Variants in NEB observed in about 807,000 individuals in gnomAD.
The protein encoded by NEB is nemaline myopathy type 2.
A neutral mutation model predicts 952.2 loss-of-function variants in NEB; 512 were observed. That is an observed-to-expected ratio of 0.54 (90% CI 0.50 to 0.58). The LOEUF (loss-of-function observed/expected upper bound fraction) is 0.58. Ranked by LOEUF, NEB falls within the 20% of genes least tolerant of loss-of-function variation. NEB has a pLI of 0.00. For missense variants in NEB, 8,428 were observed against 9,231.1 expected (o/e 0.91, Z 3.56); for synonymous variants, 2,900 against 3,149.8 (o/e 0.92, Z 2.66).
rs2093487929 is a variant in NEB, at chr2:151,538,127, T to C, written c.20997+13A>G. 4.4e-6 allele frequency: 7 copies of C among 1,587,008 alleles called. No individual in the cohort carries two copies. The highest frequency in any genetic ancestry group is 1.7e-4 in the Middle Eastern group (1 of 5,994). ...GTAGAGCCCAACACAAGTAGAAATA[T>C]TTAGGGACATACTTTACTGATGTCA... On this transcript the variant is annotated intron_variant, in intron 139 of 181. Coordinates refer to ENST00000397345, the MANE Select transcript of NEB (RefSeq NM_001164508.2).
intron 171 of NEB, 114 bp downstream of exon 171, chr2:151,497,512 A>C: frequency 1.3e-6 from 2 of 1,496,588 alleles, no homozygotes; most frequent in Non-Finnish European, 1.8e-6. Flanking sequence ...TTGCTAAAGA[A>C]ATTCACAAAA....
intron 145 of NEB, 45 bp from the exon 146 acceptor site, chr2:151,529,359 C>G (rs2088987960): frequency 8.4e-7 from 1 of 1,185,550 alleles, no homozygotes; most frequent in Non-Finnish European, 1.3e-6. Context: ...TTTATAGCAG[C>G]ATACTGAGCA....
At position 151,669,125 on chromosome 2, in the gene NEB, A is replaced by T; in HGVS notation, c.4513T>A (p.Tyr1505Asn). The T allele has an allele frequency of 6.4e-7, 1 of 1,569,954 alleles. No homozygotes were observed. Among genetic ancestry groups the T allele is most frequent in the Non-Finnish European group, 8.7e-7 (1 of 1,153,410 alleles). Residue 1505 changes from tyrosine (Y) to asparagine (N), a missense_variant, in exon 39 of 182, where the codon TAC (tyrosine) becomes AAC (asparagine). Tyr to Asn is a moderately radical substitution (Grantham distance 143, BLOSUM62 -2). This residue lies in a region of NEB where 2,851 missense variants were observed against 2,791.5 expected (regional missense o/e 1.02). Transcript: ENST00000397345. ...HNTKQLSDLN[Y>N]KVEGEKLKHK... ...TTCAGTTTCTCTCCCTCTACCTTGT[A>T]GTTCAACTAAAAACAAAGGAGACAG...
chr2:151,569,243 A>G (rs765257828), intron 110 of NEB, 25 bp downstream of exon 110: 1 of 1,585,094 alleles, frequency 6.3e-7, no homozygotes, highest in Non-Finnish European at 8.7e-7. Flanking sequence ...AATGTACTGA[A>G]TGTCAGGGTA....
In NEB at chr2:151,679,803, T is replaced by A. The variant is rs1035873688; in HGVS notation, c.3173A>T (p.Asp1058Val). 6.2e-7 allele frequency: 1 copy of A among 1,613,852 alleles called. No homozygotes were observed. The change falls in exon 32 of 182, where the codon GAC becomes GTC. Residue 1058 changes from aspartate to valine, a missense_variant. Asp to Val is a radical substitution (Grantham distance 152). This residue lies in a region of NEB where 2,851 missense variants were observed against 2,791.5 expected (regional missense o/e 1.02). Coordinates refer to ENST00000397345, the MANE Select transcript of NEB (RefSeq NM_001164508.2). ...SENMYKADLKDLSKKGYDLRT... is the reference protein window; with the variant it reads ...SENMYKADLKVLSKKGYDLRT... ...CAGGTCATATCCCTTCTTGCTCAAGTCTTTCAAGTCTGCTTTGTACATATT... is the reference window on the plus strand; with the variant it reads ...CAGGTCATATCCCTTCTTGCTCAAGACTTTCAAGTCTGCTTTGTACATATT...
At chr2:151,620,612 T>C (rs1013332873) in intron 72 of NEB, among the ~76,000 whole-genome samples, 1 of 151,996 alleles carries the variant, frequency 6.6e-6, no homozygotes, top group Non-Finnish European at 1.5e-5. Context: ...ATCTTTGCCT[T>C]GAGTGTGTTC....
In NEB at chr2:151,492,435, AT is replaced by A. The variant is rs770428010; in HGVS notation, c.24824del (p.Asp8275ValfsTer5). On this transcript the variant is annotated frameshift_variant, in exon 177 of 182. Coordinates refer to ENST00000397345, the MANE Select transcript of NEB (RefSeq NM_001164508.2). LOFTEE classifies it high-confidence loss of function. ...CCCTCACCCGTCTCATCTCGGGGGTATCCAATACATAGGCAGCTTTGCCTTG... is the reference window on the plus strand; with the variant it reads ...CCCTCACCCGTCTCATCTCGGGGGTACCAATACATAGGCAGCTTTGCCTTG... ...QIQGKAAYVL[D>X]TPEMRRVRET... 6.2e-7 allele frequency: 1 copy of A among 1,612,384 alleles called. No individual in the cohort carries two copies. Among genetic ancestry groups the A allele is most frequent in the East Asian group, 2.2e-5 (1 of 44,854 alleles).
chr2:151,663,675 A>G lies in NEB; in HGVS notation c.5636T>C (p.Val1879Ala). The G allele has an allele frequency of 6.2e-7, 1 of 1,613,768 alleles. No homozygotes were observed. The highest frequency in any genetic ancestry group is 8.5e-7 in the Non-Finnish European group (1 of 1,179,788). ...CACTTCCTGAGACTTCTTGGCTGCC[A>G]CCACACTGAGCATGTCCACCGGGGT... Reference protein sequence around the residue: ...FHTPVDMLSVVAAKKSQEVAT... With the variant: ...FHTPVDMLSVAAAKKSQEVAT... The change falls in exon 45 of 182, where the codon GTG becomes GCG. Residue 1879 changes from valine to alanine, a missense_variant. This residue lies in a region of NEB where 2,851 missense variants were observed against 2,791.5 expected (regional missense o/e 1.02). Transcript: ENST00000397345.
At chr2:151,719,864 G>A (rs1405282423) in intron 9 of NEB, among the ~76,000 whole-genome samples, 1 of 133,382 alleles carries the variant, frequency 7.5e-6, no homozygotes, top group Non-Finnish European at 1.6e-5. Context: ...TCCAGCCTGG[G>A]TGAGAGAGTG....
chr2:151,644,269 T>C, intron 56 of NEB, 140 bp from the exon 57 acceptor site: 5 of 1,295,418 alleles, frequency 3.9e-6, no homozygotes, highest in Admixed American at 2.4e-5. Context: ...TAAGAAAGAT[T>C]AAAGGCTAAA....
chr2:151,534,675 A>C (rs1195266960), intron 142 of NEB, among the ~76,000 whole-genome samples: 2 of 152,258 alleles, frequency 1.3e-5, no homozygotes, highest in African/African-American at 4.8e-5. Context: ...GGCTGTGAGA[A>C]TCTCAAAGCA....
Position 151,568,689 on chromosome 2 carries a change from G to A in NEB, c.17563C>T (p.Leu5855Phe). The A allele has an allele frequency of 6.2e-7, 1 of 1,605,082 alleles. No homozygotes were observed. The highest frequency in any genetic ancestry group is 1.3e-5 in the African/African-American group (1 of 74,942). The change falls in exon 111 of 182, where the codon CTC becomes TTC. Residue 5855 changes from leucine (L) to phenylalanine (F), a missense_variant. This residue lies in a region of NEB where 3,374 missense variants were observed against 3,651.5 expected (regional missense o/e 0.92). Coordinates refer to ENST00000397345, the MANE Select transcript of NEB (RefSeq NM_001164508.2). ...CTGTCATCCACAGGCGTAAAGTTGAGAGTTTCTATTTTTGTGCGATATTTT... is the reference window on the plus strand; with the variant it reads ...CTGTCATCCACAGGCGTAAAGTTGAAAGTTTCTATTTTTGTGCGATATTTT... ...EKKYRTKIET[L>F]NFTPVDDRVD...
intron 168 of NEB, among the ~76,000 whole-genome samples, chr2:151,499,859 C>T (rs994025493): frequency 2.0e-5 from 3 of 152,120 alleles, no homozygotes; most frequent in Non-Finnish European, 4.4e-5. Context: ...TATAGAGGTT[C>T]AATATGTGGC....
In NEB at chr2:151,697,154, A is replaced by C; in HGVS notation, c.1464T>G (p.Cys488Trp). ...EYEAIKKLDQ[C>W]KDHTYKVHPD... ...GTTCAGACTACAGACTTACGTCTTT[A>C]CACTGATCTAGTTTCTTAATTGCTT... The change falls in exon 16 of 182, where the codon TGT (cysteine) becomes TGG (tryptophan). Residue 488 changes from cysteine to tryptophan, a missense_variant. Physicochemically the swap from Cys to Trp is radical, Grantham distance 215 (BLOSUM62 -2). Coordinates refer to ENST00000397345, the MANE Select transcript of NEB (RefSeq NM_001164508.2). 6.2e-7 allele frequency: 1 copy of C among 1,612,094 alleles called. No individual in the cohort carries two copies. Among genetic ancestry groups the C allele is most frequent in the Non-Finnish European group, 8.5e-7 (1 of 1,178,768 alleles).
At chr2:151,547,563 T>C (rs375768742) in intron 132 of NEB, 30 bp from the exon 133 acceptor site, 2 of 1,599,818 alleles carry the variant, frequency 1.3e-6, no homozygotes, top group East Asian at 2.2e-5. Flanking sequence ...CCAAAACATA[T>C]GTATTAGAGA....
intron 111 of NEB, 61 bp downstream of exon 111, chr2:151,568,557 G>T: frequency 6.8e-7 from 1 of 1,465,554 alleles, no homozygotes; most frequent in East Asian, 2.3e-5. Context: ...GTAAGTAGAT[G>T]GAAAAGCTTT....
chr2:151,493,274 T>G, intron 176 of NEB, 79 bp downstream of exon 176: 5 of 1,090,334 alleles, frequency 4.6e-6, no homozygotes, highest in African/African-American at 1.6e-5. Flanking sequence ...TTCAGTTGAA[T>G]GAGAAAGGCG....
chr2:151,557,448 A>C (rs2095735081), intron 124 of NEB, among the ~76,000 whole-genome samples: 2 of 152,204 alleles, frequency 1.3e-5, no homozygotes, highest in Admixed American at 6.5e-5. Context: ...TACAAGGAGG[A>C]GCTGGTACCA....
intron 47 of NEB, 25 bp downstream of exon 47, chr2:151,659,040 T>A: frequency 6.9e-7 from 1 of 1,457,242 alleles, no homozygotes; most frequent in Non-Finnish European, 9.6e-7. Flanking sequence ...GAGAGAAAGA[T>A]GACAACAGGG....
Sources: gnomAD v4.1 joint callset for allele counts (sites outside exome capture counted in the v4.1 genomes callset) on GRCh38, gnomAD v4.1.1 for gene constraint, gnomAD v4.1.1 regional missense constraint, MANE v1.5 for transcripts, NCBI Gene and HGNC (gene_info 2026-07-23, HGNC 2026-07-21) for gene names.